The following PHTF1 variants were observed in gnomAD, a reference collection of about 807,000 sequenced individuals.
PHTF1 encodes the protein protein PHTF1.
PHTF1 carries 88 observed loss-of-function variants against 102.4 expected under a neutral mutation model. The ratio of observed to expected loss-of-function variants is 0.86; its 90% CI spans 0.72 to 1.03. PHTF1 has a LOEUF of 1.03. Ranked by LOEUF, PHTF1 falls within the 50% of genes least tolerant of loss-of-function variation. The probability of loss-of-function intolerance (pLI) is 0.00; values close to 1 mark genes in which losing one functional copy is unlikely to be tolerated. For synonymous variants in PHTF1, 289 were observed against 305.2 expected (o/e 0.95, Z 0.55); for missense variants, 814 against 909.5 (o/e 0.89, Z 1.35).
intron 3 of PHTF1, among the ~76,000 whole-genome samples, chr1:113,747,262 A>G (rs1211885694): frequency 6.6e-6 from 1 of 152,240 alleles, no homozygotes; most frequent in Admixed American, 6.5e-5. Flanking sequence ...GTGAACTATT[A>G]TATTTTCCTC....
chr1:113,713,367 A>T lies in PHTF1; in HGVS notation c.695T>A (p.Ile232Asn), dbSNP rs370038421. ...TDNDPSCVHP[I>N]IKRRQCRPEI... ...TGGTCGACATTGTCTCCTCTTAATG[A>T]TAGGATGGACACAACTTGGGTCATT... Residue 232 changes from isoleucine to asparagine, a missense_variant, in exon 8 of 19, where the codon ATC becomes AAC. By Grantham distance (149) the Ile-to-Asn change is moderately radical. Coordinates refer to ENST00000369604, the MANE Select transcript of PHTF1 (RefSeq NM_001323043.2). The T allele has an allele frequency of 6.9e-5, 111 of 1,607,732 alleles. No homozygotes were observed. In the African/African-American group the frequency reaches 1.1e-3, roughly 16 times the overall value.
At chr1:113,731,748 T>A (rs555277615) in intron 5 of PHTF1, among the ~76,000 whole-genome samples, 3 of 150,410 alleles carry the variant, frequency 2.0e-5, no homozygotes, top group East Asian at 2.0e-4. Flanking sequence ...TACAAAAAAA[T>A]TTGCCAGGCA....
intron 4 of PHTF1, 73 bp downstream of exon 4, chr1:113,738,657 A>G (rs1170848099): frequency 1.1e-6 from 1 of 879,484 alleles, no homozygotes; most frequent in Non-Finnish European, 1.8e-6. Flanking sequence ...CATCATATAG[A>G]GAAGATATTG....
intron 7 of PHTF1, chr1:113,715,003 T>G (rs1651759016): frequency 6.6e-6 from 1 of 152,298 alleles, no homozygotes; most frequent in African/African-American, 2.4e-5. Context: ...CAGAGAATTC[T>G]CCCAGATCTG....
rs780116447 is a variant in PHTF1 at position 113,704,068 on chromosome 1, G to GT, written c.1890+12dup. The GT allele has an allele frequency of 6.4e-7, 1 of 1,572,092 alleles. No individual in the cohort carries two copies. The highest frequency in any genetic ancestry group is 8.8e-7 in the Non-Finnish European group (1 of 1,142,198). ...ATTTTCATTTTTCCTTAAAGCAGAT[G>GT]TGAAACTTTTACCTGAGCACAACAA... On this transcript the variant is annotated intron_variant, in intron 15 of 18. Coordinates refer to ENST00000369604, the MANE Select transcript of PHTF1 (RefSeq NM_001323043.2).
In PHTF1 at chr1:113,698,152, AACACACACACACACACAC is replaced by A. The variant is rs59861045; in HGVS notation, c.2268+92_2268+109del. On this transcript the variant is annotated intron_variant, in intron 18 of 18. Transcript: ENST00000369604. ...CCTCAAGAGTTATTTGCATGCTAGA[AACACACACACACACACAC>A]ACACACACACACACACACGTGTGAA... The A allele has an allele frequency of 1.4e-3, 793 of 549,768 alleles. 2 individuals carry two copies. Among genetic ancestry groups the A allele is most frequent in the Non-Finnish European group, 1.1e-3 (368 of 323,066 alleles). 34.1% of individuals were successfully genotyped at this position (549,768 alleles called of 1,614,324 possible). A position where few individuals can be genotyped will look rare whatever the true frequency, so the allele number is the denominator to read the frequency against.
At chr1:113,701,184 C>T (rs1023639501) in intron 15 of PHTF1, among the ~76,000 whole-genome samples, 1 of 152,150 alleles carries the variant, frequency 6.6e-6, no homozygotes, top group African/African-American at 2.4e-5. Flanking sequence ...AAGGAAAATA[C>T]CACAAATAAA....
chr1:113,726,897 A>G (rs903266503), intron 5 of PHTF1, among the ~76,000 whole-genome samples: 1 of 152,226 alleles, frequency 6.6e-6, no homozygotes. Context: ...GCTCAAAGGA[A>G]GAGTATTTTC....
Position 113,753,059 on chromosome 1 carries a change from C to T in PHTF1, c.102+4640G>A, listed in dbSNP as rs996683983. On this transcript the variant is annotated intron_variant, in intron 3 of 18. Coordinates refer to ENST00000369604, the MANE Select transcript of PHTF1 (RefSeq NM_001323043.2). ...GAAGATCATATGATTGTCCTTTATC[C>T]TATTAATATGGCATATTACATTACT... Among the ~76,000 whole-genome samples the T allele has an allele frequency of 3.3e-5, 5 of 152,264 alleles. No homozygotes were observed. In the South Asian group the frequency reaches 6.2e-4, roughly 19 times the overall value.
chr1:113,709,180 G>C (rs1322916925), intron 11 of PHTF1, among the ~76,000 whole-genome samples: 1 of 152,142 alleles, frequency 6.6e-6, no homozygotes, highest in Non-Finnish European at 1.5e-5. Flanking sequence ...AGGCTGCCGT[G>C]AGTCATGATT....
At chr1:113,735,535 A>G (rs1655366817) in intron 5 of PHTF1, among the ~76,000 whole-genome samples, 1 of 152,128 alleles carries the variant, frequency 6.6e-6, no homozygotes, top group Non-Finnish European at 1.5e-5. Flanking sequence ...TGCAGCCATT[A>G]AAATGATCAT....
intron 3 of PHTF1, among the ~76,000 whole-genome samples, chr1:113,742,467 A>C (rs1352200382): frequency 6.6e-6 from 1 of 152,104 alleles, no homozygotes; most frequent in African/African-American, 2.4e-5. Flanking sequence ...TCTACTAAAA[A>C]TACAAAATTA....
At position 113,698,325 on chromosome 1, in the gene PHTF1, T is replaced by G. The variant is rs760841130; in HGVS notation, c.2205A>C (p.Thr735=). The stretch of plus-strand genomic sequence containing the variant: ...AGACAGCAGAAAGGATAACTACTCT[T>G]GTGATATTGTAGATTAAGGGATTCA... ...LTMNPLIYNI[T]RVVILSAVSG... The change falls in exon 18 of 19, where the codon ACA becomes ACC. Residue 735 remains threonine (T), a synonymous_variant. Coordinates refer to ENST00000369604, the MANE Select transcript of PHTF1 (RefSeq NM_001323043.2). The G allele has an allele frequency of 2.5e-6, 4 of 1,607,308 alleles. No individual in the cohort carries two copies. In the East Asian group the frequency reaches 6.7e-5, roughly 27 times the overall value.
intron 5 of PHTF1, among the ~76,000 whole-genome samples, chr1:113,732,129 G>A (rs1005997964): frequency 3.9e-5 from 6 of 151,990 alleles, no homozygotes; most frequent in Non-Finnish European, 8.8e-5. Context: ...TTTTAATCAC[G>A]ATAAAATAAT....
At chr1:113,754,547 T>C (rs1222081681) in intron 3 of PHTF1, among the ~76,000 whole-genome samples, 1 of 152,252 alleles carries the variant, frequency 6.6e-6, no homozygotes, top group Admixed American at 6.5e-5. Flanking sequence ...ATTTTTGGTA[T>C]TTCTTTCCCT....
At chr1:113,721,153 T>C (rs1190606312) in intron 7 of PHTF1, among the ~76,000 whole-genome samples, 1 of 152,032 alleles carries the variant, frequency 6.6e-6, no homozygotes, top group Non-Finnish European at 1.5e-5. Flanking sequence ...AGATCATTCA[T>C]CACGACCAAG....
At chr1:113,701,826 TAAAAAAAAAAAA>T (rs34844793) in intron 15 of PHTF1, among the ~76,000 whole-genome samples, 46 of 28,002 alleles carry the variant, frequency 1.6e-3, no homozygotes, top group Admixed American at 4.9e-3. Context: ...CAATTCCTGG[TAAAAAAAAAAAA>T]AAAAAAAAAA....
At chr1:113,755,554 T>C (rs567183850) in intron 3 of PHTF1, among the ~76,000 whole-genome samples, 2 of 152,282 alleles carry the variant, frequency 1.3e-5, no homozygotes, top group South Asian at 4.1e-4. Context: ...GATTACCCTA[T>C]GAGAGAACGA....
At chr1:113,739,373 C>T (rs549400408) in intron 3 of PHTF1, among the ~76,000 whole-genome samples, 96 of 152,280 alleles carry the variant, frequency 6.3e-4, no homozygotes, top group Non-Finnish European at 1.1e-3. Context: ...TGAAAAACAA[C>T]AGTCCCCTAA....
Sources: gnomAD v4.1 joint callset for allele counts (sites outside exome capture counted in the v4.1 genomes callset) on GRCh38, gnomAD v4.1.1 for gene constraint, MANE v1.5 for transcripts, NCBI Gene and HGNC (gene_info 2026-07-23, HGNC 2026-07-21) for gene names.